The following KDM6B variants were observed in gnomAD, a reference collection of about 807,000 sequenced individuals.
KDM6B encodes the protein lysine demethylase 6B, also known as lysine-specific demethylase 6B.
KDM6B carries 22 observed loss-of-function variants against 150.4 expected under a neutral mutation model. The ratio of observed to expected loss-of-function variants is 0.15; its 90% CI spans 0.10 to 0.21. The LOEUF (loss-of-function observed/expected upper bound fraction) is 0.21, where lower values mean the gene tolerates loss of function less well. Among genes scored for constraint, KDM6B ranks in the 10% least tolerant of loss-of-function variants. The pLI, the probability that KDM6B is intolerant of heterozygous loss-of-function variation, is 1.00. For missense variants in KDM6B, 1,984 were observed against 2,234.3 expected, an observed-to-expected ratio of 0.89 and a Z score of 2.26; for synonymous variants, 1,148 against 921.1, an observed-to-expected ratio of 1.25 and a Z score of -4.46.
rs2078484048 is a variant in KDM6B, at chr17:7,844,291, T to TG, written c.-268-605dup. On this transcript the variant is annotated intron_variant, in intron 2 of 23. Coordinates refer to ENST00000448097, the MANE Select transcript of KDM6B (RefSeq NM_001348716.2). The surrounding 1 kb of genome is among the most constrained non-coding windows in gnomAD (Gnocchi z 5.9). ...TGGGGGACTAAAAGGGGTCTGATTTTGGGGGTCGGTCGGTATTGAAGACCC... is the reference window on the plus strand; with the variant it reads ...TGGGGGACTAAAAGGGGTCTGATTTTGGGGGGTCGGTCGGTATTGAAGACCC... 6.6e-6 allele frequency: 1 copy of TG among 151,350 alleles called. No individual in the cohort carries two copies. Among genetic ancestry groups the TG allele is most frequent in the East Asian group, 2.0e-4 (1 of 5,094 alleles). The allele number at this position is 151,350 out of a possible 1,614,324, so 9.4% of individuals were successfully genotyped here. A position where few individuals can be genotyped will look rare whatever the true frequency, so the allele number is the denominator to read the frequency against.
At chr17:7,842,181 G>T (rs529898285) in intron 2 of KDM6B, among the ~76,000 whole-genome samples, 1 of 152,192 alleles carries the variant, frequency 6.6e-6, no homozygotes, top group Non-Finnish European at 1.5e-5. Context: ...GAGTTAAGTG[G>T]GTGTGATTGA....
chr17:7,834,770 A>G (rs901482272), intron 1 of KDM6B, among the ~76,000 whole-genome samples: 1 of 152,092 alleles, frequency 6.6e-6, no homozygotes, highest in Non-Finnish European at 1.5e-5. Flanking sequence ...GACTACTTTA[A>G]GTCTCCCTCC....
rs1303338787 is a variant in KDM6B, at chr17:7,853,915, T to A, written c.*394T>A. ...CGCGGCTCGTGTATGTACATAGACG[T>A]TACGGCAGCCGAGGTTTTTAATGAG... On this transcript the variant is annotated 3_prime_UTR_variant, in exon 24 of 24. Transcript: ENST00000448097. The A allele has an allele frequency of 1.2e-5, 2 of 166,608 alleles. No homozygotes were observed. Among genetic ancestry groups the A allele is most frequent in the Non-Finnish European group, 2.6e-5 (2 of 77,960 alleles). 10.3% of individuals were successfully genotyped at this position (166,608 alleles called of 1,614,324 possible).
chr17:7,850,925 T>G, intron 14 of KDM6B, 96 bp from the exon 15 acceptor site: 1 of 1,127,564 alleles, frequency 8.9e-7, no homozygotes, highest in Non-Finnish European at 1.3e-6. Context: ...GACCACCCTG[T>G]CAGAGCCAGA....
intron 1 of KDM6B, among the ~76,000 whole-genome samples, chr17:7,837,560 G>A (rs1427400240): frequency 6.6e-6 from 1 of 152,046 alleles, no homozygotes; most frequent in Non-Finnish European, 1.5e-5. Context: ...TTAGAGCTTG[G>A]GCTGTCAGAT....
intron 1 of KDM6B, among the ~76,000 whole-genome samples, chr17:7,836,958 G>A (rs185352683): frequency 3.3e-5 from 5 of 152,234 alleles, no homozygotes; most frequent in East Asian, 1.9e-4. Context: ...TCCAGTTCCA[G>A]TCCCGTGCCA....
chr17:7,837,746 T>C (rs2078353235), intron 1 of KDM6B, among the ~76,000 whole-genome samples: 1 of 152,214 alleles, frequency 6.6e-6, no homozygotes, highest in African/African-American at 2.4e-5. Flanking sequence ...GCACAGTGCC[T>C]GGCACAGAAT....
Position 7,848,865 on chromosome 17 carries a change from C to G in KDM6B, c.2577C>G (p.Gly859=). 1 of 1,610,766 alleles carries G rather than the reference C, an allele frequency of 6.2e-7. No individual in the cohort carries two copies. Among genetic ancestry groups the G allele is most frequent in the Non-Finnish European group, 8.5e-7 (1 of 1,178,676 alleles). ...PPTSAAPSAQ[G]SPQPSASSSS... is the part of the protein sequence containing the mutation. ...CCTCAGCGGCCCCTAGCGCCCAGGGCTCCCCACAGCCCTCTGCTTCCTCGT... is the reference window on the plus strand; with the variant it reads ...CCTCAGCGGCCCCTAGCGCCCAGGGGTCCCCACAGCCCTCTGCTTCCTCGT... The change falls in exon 12 of 24, where the codon GGC becomes GGG. Residue 859 remains glycine (G), a synonymous_variant. Transcript: ENST00000448097.
Position 7,852,227 on chromosome 17 carries a change from C to A in KDM6B, c.4359C>A (p.Arg1453=). ...DLYASNIPVY[R]FVQRPGDLVW... is the part of the protein sequence containing the mutation. ...ATGCATCCAATATTCCTGTGTACCGCTTCGTGCAGCGACCCGGAGACCTCG... is the reference window on the plus strand; with the variant it reads ...ATGCATCCAATATTCCTGTGTACCGATTCGTGCAGCGACCCGGAGACCTCG... Residue 1453 remains arginine (R), a synonymous_variant, in exon 20 of 24, where the codon CGC becomes CGA. Transcript: ENST00000448097. 6.2e-7 allele frequency: 1 copy of A among 1,614,168 alleles called. No individual in the cohort carries two copies. The highest frequency in any genetic ancestry group is 8.5e-7 in the Non-Finnish European group (1 of 1,180,034).
In KDM6B at chr17:7,844,831, C is replaced by A. The variant is rs1264256173; in HGVS notation, c.-268-70C>A. 6.3e-6 allele frequency: 1 copy of A among 158,470 alleles called. No individual in the cohort carries two copies. Among genetic ancestry groups the A allele is most frequent in the Admixed American group, 6.0e-5 (1 of 16,630 alleles). The allele number at this position is 158,470 out of a possible 1,614,324, so 9.8% of individuals were successfully genotyped here. Reference sequence around the variant, plus strand: ...GTCACCCCGGGCTGAGCTCGTCTGACCGGCTCCCGCGCCCCTCCTCCCCCG... The same window carrying A: ...GTCACCCCGGGCTGAGCTCGTCTGAACGGCTCCCGCGCCCCTCCTCCCCCG... On this transcript the variant is annotated intron_variant, in intron 2 of 23. Coordinates refer to ENST00000448097, the MANE Select transcript of KDM6B (RefSeq NM_001348716.2). The surrounding 1 kb of genome is among the most constrained non-coding windows in gnomAD (Gnocchi z 5.9).
At position 7,853,329 on chromosome 17, in the gene KDM6B, G is replaced by A. The variant is rs780953172; in HGVS notation, c.4857G>A (p.Leu1619=). The A allele has an allele frequency of 6.9e-6, 11 of 1,586,204 alleles. No homozygotes were observed. Among genetic ancestry groups the A allele is most frequent in the Middle Eastern group, 1.7e-4 (1 of 6,038 alleles). ...RSAGLQGVVV[L]EQYRTEELAQ... is the part of the protein sequence containing the mutation. ...CAGGCCTGCAGGGCGTGGTGGTGCT[G>A]GAGCAGTACCGCACTGAGGAGCTGG... is the stretch of plus-strand genomic sequence containing the variant. Residue 1619 remains leucine (L), a synonymous_variant, in exon 23 of 24, where the codon CTG becomes CTA. Coordinates refer to ENST00000448097, the MANE Select transcript of KDM6B (RefSeq NM_001348716.2).
intron 14 of KDM6B, 143 bp from the exon 15 acceptor site, chr17:7,850,878 T>C: frequency 1.3e-6 from 1 of 756,778 alleles, no homozygotes; most frequent in Non-Finnish European, 2.3e-6. Flanking sequence ...CTAGGGCTCC[T>C]GCCTATTTCT....
At chr17:7,835,679 G>T (rs2078320873) in intron 1 of KDM6B, among the ~76,000 whole-genome samples, 1 of 152,154 alleles carries the variant, frequency 6.6e-6, no homozygotes, top group African/African-American at 2.4e-5. Flanking sequence ...GAGGGGAGGG[G>T]CAGCGGCGGA....
Position 7,846,821 on chromosome 17 carries a change from T to C in KDM6B, c.714T>C (p.Thr238=). 6.2e-7 allele frequency: 1 copy of C among 1,613,104 alleles called. No individual in the cohort carries two copies. The highest frequency in any genetic ancestry group is 8.5e-7 in the Non-Finnish European group (1 of 1,179,856). Residue 238 remains threonine, a splice_region_variant and synonymous_variant, in exon 10 of 24, where the codon ACT becomes ACC. Coordinates refer to ENST00000448097, the MANE Select transcript of KDM6B (RefSeq NM_001348716.2). ...TCTCACACTCTCTTCTCTCCTAGAC[T>C]GGCCTTCCCCCAGGGCTGCCACTGC... ...KRRRGCNSEQ[T]GLPPGLPLPP...
In KDM6B at chr17:7,845,978, G is replaced by A. The variant is rs2078525783; in HGVS notation, c.236+8G>A. 1 of 1,612,738 alleles carries A rather than the reference G, an allele frequency of 6.2e-7. No homozygotes were observed. Among genetic ancestry groups the A allele is most frequent in the South Asian group, 1.1e-5 (1 of 91,064 alleles). On this transcript the variant is annotated splice_region_variant and intron_variant, in intron 6 of 23. Coordinates refer to ENST00000448097, the MANE Select transcript of KDM6B (RefSeq NM_001348716.2). ...ACCATATTATGCTCCAGGGTGAGTG[G>A]ATATTTGAAGGTTCTGGGAGTGGGA...
In KDM6B at chr17:7,848,237, G is replaced by A. The variant is rs1451017737; in HGVS notation, c.1949G>A (p.Ser650Asn). Residue 650 changes from serine to asparagine, a missense_variant, in exon 12 of 24, where the codon AGT (serine) becomes AAT (asparagine). Coordinates refer to ENST00000448097, the MANE Select transcript of KDM6B (RefSeq NM_001348716.2). ...VGPGPPPGPL[S>N]KAPQPVPPGV... The stretch of plus-strand genomic sequence containing the variant: ...CCGGGGCCACCCCCAGGCCCCCTGA[G>A]TAAAGCCCCCCAGCCTGTGCCGCCC... The A allele has an allele frequency of 3.0e-5, 49 of 1,611,612 alleles. No homozygotes were observed. Among genetic ancestry groups the A allele is most frequent in the Non-Finnish European group, 3.9e-5 (46 of 1,179,442 alleles).
intron 1 of KDM6B, among the ~76,000 whole-genome samples, chr17:7,839,154 T>C (rs1292244305): frequency 2.0e-5 from 3 of 152,174 alleles, no homozygotes; most frequent in African/African-American, 7.2e-5. Flanking sequence ...TGACCCCTGA[T>C]GGACACCTGA....
chr17:7,835,912 G>T (rs1408135514), intron 1 of KDM6B, among the ~76,000 whole-genome samples: 1 of 152,180 alleles, frequency 6.6e-6, no homozygotes, highest in African/African-American at 2.4e-5. Flanking sequence ...CGCCGGTCGC[G>T]ACCATAATGC....
chr17:7,851,916 T>C, intron 18 of KDM6B, 35 bp from the exon 19 acceptor site: 4 of 1,609,736 alleles, frequency 2.5e-6, no homozygotes, highest in Admixed American at 1.7e-5. Flanking sequence ...AGTTCCGACC[T>C]GGCCAGCCAT....
Sources: gnomAD v4.1 joint callset for allele counts (sites outside exome capture counted in the v4.1 genomes callset) on GRCh38, gnomAD v4.1.1 for gene constraint, Gnocchi (gnomAD v3.1) non-coding constraint, MANE v1.5 for transcripts, NCBI Gene and HGNC (gene_info 2026-07-23, HGNC 2026-07-21) for gene names.